KBTBD12: variants seen among roughly 807,000 people sequenced by gnomAD.
The protein encoded by KBTBD12 is kelch repeat and BTB domain-containing protein 12.
A neutral mutation model predicts 58.7 loss-of-function variants in KBTBD12; 53 were observed. That is an observed-to-expected ratio of 0.90 (90% CI 0.72 to 1.14). The LOEUF is 1.14. KBTBD12 is among the 50% of genes most tolerant of loss of function. KBTBD12 has a pLI of 0.00. For missense variants in KBTBD12, 704 were observed against 751.3 expected, an observed-to-expected ratio of 0.94 and a Z score of 0.74; for synonymous variants, 236 against 259.8, an observed-to-expected ratio of 0.91 and a Z score of 0.88.
intron 4 of KBTBD12, among the ~76,000 whole-genome samples, chr3:127,961,702 A>G (rs1407008946): frequency 6.6e-6 from 1 of 151,372 alleles, no homozygotes; most frequent in African/African-American, 2.4e-5. Flanking sequence ...GGGAAAGCAC[A>G]TGCAAAATTA....
At chr3:127,947,458 T>C (rs1189987233) in intron 4 of KBTBD12, among the ~76,000 whole-genome samples, 1 of 152,188 alleles carries the variant, frequency 6.6e-6, no homozygotes, top group African/African-American at 2.4e-5. Flanking sequence ...TCTAAACAAC[T>C]TCAGAGTTGT....
chr3:127,942,159 T>C (rs1050091227), intron 4 of KBTBD12, among the ~76,000 whole-genome samples: 1 of 152,126 alleles, frequency 6.6e-6, no homozygotes, highest in African/African-American at 2.4e-5. Context: ...ATACAAAAGG[T>C]CAATCATTTA....
intron 4 of KBTBD12, among the ~76,000 whole-genome samples, chr3:127,939,447 G>T (rs1236683892): frequency 2.0e-5 from 3 of 152,124 alleles, no homozygotes; most frequent in African/African-American, 7.2e-5. Flanking sequence ...GTATTTAGGT[G>T]TAATCTATGA....
chr3:127,939,803 G>A (rs369329914), intron 4 of KBTBD12, among the ~76,000 whole-genome samples: 3 of 152,060 alleles, frequency 2.0e-5, no homozygotes, highest in Admixed American at 6.5e-5. Context: ...TCAATTAGAA[G>A]ACAGAAATTG....
At chr3:127,956,382 G>A (rs1576386655) in intron 4 of KBTBD12, among the ~76,000 whole-genome samples, 2 of 151,100 alleles carry the variant, frequency 1.3e-5, no homozygotes, top group Admixed American at 1.3e-4. Context: ...TATTCCATCA[G>A]TGTGTAATTA....
intron 4 of KBTBD12, among the ~76,000 whole-genome samples, chr3:127,943,924 C>G (rs1241186503): frequency 6.6e-6 from 1 of 152,138 alleles, no homozygotes; most frequent in Non-Finnish European, 1.5e-5. Flanking sequence ...TTCCTGACAT[C>G]ATTTATTGAA....
intron 4 of KBTBD12, among the ~76,000 whole-genome samples, chr3:127,933,512 G>T (rs1444123081): frequency 6.6e-6 from 1 of 152,158 alleles, no homozygotes; most frequent in Non-Finnish European, 1.5e-5. Flanking sequence ...GTCACAGAGA[G>T]ACTTGAGAAA....
At chr3:127,940,911 C>T (rs1939937507) in intron 4 of KBTBD12, among the ~76,000 whole-genome samples, 2 of 152,200 alleles carry the variant, frequency 1.3e-5, no homozygotes, top group Middle Eastern at 3.4e-3. Flanking sequence ...GATAATAGGG[C>T]AGTGCTACAA....
intron 4 of KBTBD12, among the ~76,000 whole-genome samples, chr3:127,940,761 A>C (rs1939932727): frequency 6.6e-6 from 1 of 152,182 alleles, no homozygotes. Context: ...AAAATCAATG[A>C]AACCAATCTG....
chr3:127,943,618 C>A (rs1307904862), intron 4 of KBTBD12, among the ~76,000 whole-genome samples: 1 of 151,828 alleles, frequency 6.6e-6, no homozygotes, highest in African/African-American at 2.4e-5. Flanking sequence ...ACATGATTTG[C>A]AAATATTTTC....
intron 5 of KBTBD12, among the ~76,000 whole-genome samples, chr3:127,976,367 G>A (rs947895342): frequency 6.6e-6 from 1 of 152,150 alleles, no homozygotes; most frequent in Admixed American, 6.5e-5. Flanking sequence ...GGAACATGTC[G>A]ACACGCCCTT....
intron 1 of KBTBD12, among the ~76,000 whole-genome samples, chr3:127,917,841 G>A (rs1454183016): frequency 6.6e-6 from 1 of 152,120 alleles, no homozygotes; most frequent in East Asian, 1.9e-4. Flanking sequence ...TGTAATTTAG[G>A]ACTAAACAAA....
intron 1 of KBTBD12, 31 bp from the exon 2 acceptor site, chr3:127,922,919 A>G (rs1939453804): frequency 1.7e-6 from 1 of 575,306 alleles, no homozygotes; most frequent in African/African-American, 1.9e-5. Context: ...ATTTTTTCTT[A>G]GAAGGAAACT....
intron 4 of KBTBD12, among the ~76,000 whole-genome samples, chr3:127,950,048 A>C (rs530991586): frequency 6.6e-6 from 1 of 152,314 alleles, no homozygotes; most frequent in African/African-American, 2.4e-5. Context: ...AGTTGGCTTT[A>C]TAGTTTGACC....
chr3:127,965,954 AG>A (rs1190381296), intron 5 of KBTBD12, among the ~76,000 whole-genome samples: 2 of 152,214 alleles, frequency 1.3e-5, no homozygotes, highest in Non-Finnish European at 2.9e-5. Context: ...TGGCAACAAA[AG>A]GTAACTGTGG....
chr3:127,949,231 A>C (rs1178504849), intron 4 of KBTBD12, among the ~76,000 whole-genome samples: 1 of 152,228 alleles, frequency 6.6e-6, no homozygotes, highest in Non-Finnish European at 1.5e-5. Context: ...CCAACAGAGC[A>C]GCACAAGGAG....
intron 1 of KBTBD12, among the ~76,000 whole-genome samples, chr3:127,918,519 T>C (rs1939312722): frequency 6.6e-6 from 1 of 152,148 alleles, no homozygotes; most frequent in African/African-American, 2.4e-5. Context: ...GAGACCATCC[T>C]GGCTAACACG....
intron 2 of KBTBD12, among the ~76,000 whole-genome samples, chr3:127,926,708 G>A (rs368831971): frequency 9.9e-5 from 15 of 152,174 alleles, no homozygotes; most frequent in East Asian, 5.8e-4. Context: ...AAAATAAGTC[G>A]TCTATACTTA....
chr3:127,918,406 A>C (rs1185917117), intron 1 of KBTBD12, among the ~76,000 whole-genome samples: 1 of 152,176 alleles, frequency 6.6e-6, no homozygotes, highest in Non-Finnish European at 1.5e-5. Context: ...ACAGATTTAC[A>C]CGTGTAAAGA....
Sources: allele counts gnomAD v4.1 joint callset (sites outside exome capture counted in the v4.1 genomes callset), GRCh38; gene constraint gnomAD v4.1.1; transcripts MANE v1.5; gene names NCBI Gene and HGNC (gene_info 2026-07-23, HGNC 2026-07-21).